The following CRYL1 variants were observed in gnomAD, a reference collection of about 807,000 sequenced individuals.
CRYL1 encodes crystallin lambda 1.
Under a neutral mutation model 36.6 loss-of-function variants are expected in CRYL1, and 29 were observed. The ratio of observed to expected loss-of-function variants is 0.79; its 90% CI spans 0.59 to 1.08. The LOEUF (loss-of-function observed/expected upper bound fraction) is 1.08, where lower values mean the gene tolerates loss of function less well. CRYL1 is among the 50% of genes least tolerant of loss of function. CRYL1 has a pLI of 0.00. For synonymous variants in CRYL1, 152 were observed against 151.5 expected, an observed-to-expected ratio of 1.00 and a Z score of -0.02; for missense variants, 411 against 407.9, an observed-to-expected ratio of 1.01 and a Z score of -0.06.
chr13:20,426,838 C>T (rs1005410376), intron 5 of CRYL1: 26 of 985,412 alleles, frequency 2.6e-5, no homozygotes, highest in Admixed American at 6.1e-5. Context: ...ATGCCCCAGA[C>T]CACACCCACC....
chr13:20,500,683 G>A (rs2033686091), intron 2 of CRYL1, among the ~76,000 whole-genome samples: 1 of 152,096 alleles, frequency 6.6e-6, no homozygotes, highest in Admixed American at 6.5e-5. Context: ...ATTCCTGGAT[G>A]GTCATGAGGT....
At chr13:20,451,490 A>T (rs528277347) in intron 3 of CRYL1, among the ~76,000 whole-genome samples, 2 of 152,344 alleles carry the variant, frequency 1.3e-5, no homozygotes, top group Admixed American at 1.3e-4. Context: ...AGACATGAAC[A>T]GATACTTCTC....
intron 2 of CRYL1, among the ~76,000 whole-genome samples, chr13:20,510,595 T>C (rs2033895549): frequency 6.8e-6 from 1 of 146,672 alleles, no homozygotes; most frequent in African/African-American, 2.5e-5. Context: ...CCATAGAGTG[T>C]AAACACCAAG....
At chr13:20,431,897 C>T in intron 5 of CRYL1, 1 of 1,512,506 alleles carries the variant, frequency 6.6e-7, no homozygotes, top group Non-Finnish European at 8.8e-7. Flanking sequence ...ACCTCTCAGG[C>T]AGACAGTGAA....
intron 1 of CRYL1, among the ~76,000 whole-genome samples, chr13:20,524,586 A>T (rs2034155100): frequency 6.6e-6 from 1 of 152,180 alleles, no homozygotes; most frequent in South Asian, 2.1e-4. Context: ...CATATTGGTC[A>T]GGCTGGTCTC....
chr13:20,419,001 A>T (rs1177042001), intron 5 of CRYL1: 2 of 152,258 alleles, frequency 1.3e-5, no homozygotes, highest in Non-Finnish European at 2.9e-5. Context: ...CGAGGGCGAC[A>T]TGAAGAAAGC....
rs989028167 is a variant in CRYL1, at chr13:20,435,778, C to T, written c.439-3482G>A. Among the ~76,000 whole-genome samples, 4 of 152,220 alleles carry T rather than the reference C, an allele frequency of 2.6e-5. No individual in the cohort carries two copies. Among genetic ancestry groups the T allele is most frequent in the African/African-American group, 9.6e-5 (4 of 41,472 alleles). On this transcript the variant is annotated intron_variant, in intron 4 of 7. Coordinates refer to ENST00000298248, the MANE Select transcript of CRYL1 (RefSeq NM_015974.3). This position sits in a 1 kb window ranked among gnomAD's most constrained non-coding sequence, Gnocchi z 4.0. The stretch of plus-strand genomic sequence containing the variant: ...CCCGGGCCCCATGTGACCGCGCCGA[C>T]AGCGCGGCTGCCCACAGAGACTCCC...
chr13:20,516,008 A>G (rs964431055), intron 1 of CRYL1, among the ~76,000 whole-genome samples: 2 of 152,124 alleles, frequency 1.3e-5, no homozygotes, highest in East Asian at 1.9e-4. Context: ...CCTGGCCAAC[A>G]TGGGGAAACC....
intron 1 of CRYL1, among the ~76,000 whole-genome samples, chr13:20,523,631 G>A (rs535531500): frequency 1.1e-4 from 17 of 152,168 alleles, no homozygotes; most frequent in African/African-American, 4.1e-4. Context: ...ATAGAGGGAC[G>A]AGAAAGAAGG....
chr13:20,521,831 A>T (rs190004566), intron 1 of CRYL1, among the ~76,000 whole-genome samples: 1 of 152,164 alleles, frequency 6.6e-6, no homozygotes, highest in Non-Finnish European at 1.5e-5. Flanking sequence ...TTACTGGGTA[A>T]AAATTGAAGT....
intron 2 of CRYL1, among the ~76,000 whole-genome samples, chr13:20,499,345 C>CA (rs34461619): frequency 0.61 from 69,581 of 114,448 alleles, 21,146 homozygotes; most frequent in East Asian, 0.76. Context: ...GACCCTGTCT[C>CA]AAAAAAAAAA....
At chr13:20,440,801 T>C (rs1299169194) in intron 3 of CRYL1, among the ~76,000 whole-genome samples, 1 of 152,152 alleles carries the variant, frequency 6.6e-6, no homozygotes, top group Non-Finnish European at 1.5e-5. Context: ...CAAAACTACA[T>C]TAATCGGGGT....
intron 3 of CRYL1, among the ~76,000 whole-genome samples, chr13:20,486,487 A>G (rs1162934516): frequency 7.5e-6 from 1 of 132,458 alleles, no homozygotes; most frequent in African/African-American, 2.9e-5. Context: ...TCCACTTGTC[A>G]AAAGTCAAGA....
At chr13:20,438,672 T>C (rs6490578) in intron 4 of CRYL1, among the ~76,000 whole-genome samples, 105,152 of 151,984 alleles carry the variant, frequency 0.69, 36,571 homozygotes, top group East Asian at 0.85. Flanking sequence ...TCAGCCCAAC[T>C]AGGTCCTAGC....
At chr13:20,427,899 C>G (rs1335659210) in intron 5 of CRYL1, among the ~76,000 whole-genome samples, 2 of 152,058 alleles carry the variant, frequency 1.3e-5, no homozygotes, top group African/African-American at 4.8e-5. Flanking sequence ...ACTTTATGCT[C>G]TTAAGTTCAA....
In CRYL1 at chr13:20,425,140, C is replaced by A. The variant is rs1172368787; in HGVS notation, c.633+6962G>T. ...CACCACAGTCTGAAGCAAACCACAG[C>A]AATTCACTTCCAACGCCGTCCTTCC... On this transcript the variant is annotated intron_variant, in intron 5 of 7. Transcript: ENST00000298248. This position sits in a 1 kb window ranked among gnomAD's most constrained non-coding sequence, Gnocchi z 4.4. Among the ~76,000 whole-genome samples, 1 of 152,194 alleles carries A rather than the reference C, an allele frequency of 6.6e-6. No homozygotes were observed. Among genetic ancestry groups the A allele is most frequent in the African/African-American group, 2.4e-5 (1 of 41,450 alleles).
chr13:20,441,303 G>A (rs2032347263), intron 3 of CRYL1, among the ~76,000 whole-genome samples: 1 of 152,168 alleles, frequency 6.6e-6, no homozygotes, highest in Non-Finnish European at 1.5e-5. Context: ...CTCTGGGGGT[G>A]GGTTCCAGGC....
At chr13:20,484,016 C>G (rs1471717517) in intron 3 of CRYL1, among the ~76,000 whole-genome samples, 1 of 152,210 alleles carries the variant, frequency 6.6e-6, no homozygotes, top group Non-Finnish European at 1.5e-5. Flanking sequence ...CAGCATTTCA[C>G]CGTGTTAGCC....
intron 3 of CRYL1, among the ~76,000 whole-genome samples, chr13:20,471,731 G>GAC (rs2033064905): frequency 6.6e-6 from 1 of 152,148 alleles, no homozygotes; most frequent in African/African-American, 2.4e-5. Context: ...GGATCCATCA[G>GAC]ACACTGGTTC....
Sources: allele counts gnomAD v4.1 joint callset (sites outside exome capture counted in the v4.1 genomes callset), GRCh38; gene constraint gnomAD v4.1.1; non-coding constraint Gnocchi (gnomAD v3.1); transcripts MANE v1.5; gene names NCBI Gene and HGNC (gene_info 2026-07-23, HGNC 2026-07-21).